The following MACROD2 variants were observed in gnomAD, a reference collection of about 807,000 sequenced individuals.
The protein encoded by MACROD2 is ADP-ribose glycohydrolase MACROD2.
In MACROD2, 36 loss-of-function variants were observed where a neutral mutation model predicts 70.4. The observed-to-expected ratio is 0.51, with a 90% CI of 0.39 to 0.68. MACROD2 has a LOEUF of 0.68. MACROD2 is among the 30% of genes least tolerant of loss of function. The pLI, the probability that MACROD2 is intolerant of heterozygous loss-of-function variation, is 0.00. For missense variants in MACROD2, 496 were observed against 538.4 expected, an observed-to-expected ratio of 0.92 and a Z score of 0.78; for synonymous variants, 172 against 178.8, an observed-to-expected ratio of 0.96 and a Z score of 0.30.
At chr20:15,079,732 C>T (rs1455998253) in intron 5 of MACROD2, among the ~76,000 whole-genome samples, 2 of 152,084 alleles carry the variant, frequency 1.3e-5, no homozygotes, top group Non-Finnish European at 2.9e-5. Flanking sequence ...CTGCTCTCCA[C>T]CTATTTCCAG....
At chr20:15,051,987 G>A (rs180952184) in intron 5 of MACROD2, among the ~76,000 whole-genome samples, 1 of 152,094 alleles carries the variant, frequency 6.6e-6, no homozygotes, top group African/African-American at 2.4e-5. Context: ...TTTTGACCTT[G>A]TGATCCGCCC....
chr20:14,690,369 A>G (rs934290510), intron 5 of MACROD2, among the ~76,000 whole-genome samples: 7 of 152,248 alleles, frequency 4.6e-5, no homozygotes, highest in African/African-American at 1.7e-4. Flanking sequence ...ATAGCATAAT[A>G]TGTTTGAATG....
chr20:16,032,988 T>G (rs934597438), intron 15 of MACROD2, among the ~76,000 whole-genome samples: 1 of 152,110 alleles, frequency 6.6e-6, no homozygotes, highest in African/African-American at 2.4e-5. Context: ...TTTGCGTGAC[T>G]GTGACTAAAG....
intron 4 of MACROD2, among the ~76,000 whole-genome samples, chr20:14,593,350 GTT>G: frequency 6.6e-6 from 1 of 152,120 alleles, no homozygotes; most frequent in East Asian, 1.9e-4. Flanking sequence ...TTTAATTGCT[GTT>G]TATATACAGT....
At chr20:14,787,304 GA>G (rs138336258) in intron 5 of MACROD2, among the ~76,000 whole-genome samples, 11,605 of 150,604 alleles carry the variant, frequency 0.077, 560 homozygotes, top group Middle Eastern at 0.23. Flanking sequence ...TGTAACGTGT[GA>G]AAAAAAAAGT....
At chr20:15,743,680 C>A (rs1337416890) in intron 8 of MACROD2, among the ~76,000 whole-genome samples, 1 of 152,118 alleles carries the variant, frequency 6.6e-6, no homozygotes, top group Non-Finnish European at 1.5e-5. Context: ...GCCTGGAGTG[C>A]CCCTCGCTGC....
chr20:14,104,746 A>G (rs1192648632), intron 3 of MACROD2, among the ~76,000 whole-genome samples: 1 of 152,218 alleles, frequency 6.6e-6, no homozygotes, highest in Non-Finnish European at 1.5e-5. Context: ...AAGCCCTCAC[A>G]TGCTGCTTTT....
intron 6 of MACROD2, among the ~76,000 whole-genome samples, chr20:15,369,765 G>T (rs1309035526): frequency 1.3e-5 from 2 of 152,098 alleles, no homozygotes; most frequent in Non-Finnish European, 2.9e-5. Flanking sequence ...ATTAGAATTA[G>T]GTTCCGATAA....
intron 8 of MACROD2, among the ~76,000 whole-genome samples, chr20:15,858,338 G>A (rs73099269): frequency 5.9e-5 from 9 of 152,188 alleles, no homozygotes; most frequent in Non-Finnish European, 1.2e-4. Flanking sequence ...ATTCTTATAG[G>A]TTCTCATGAA....
At chr20:14,410,590 A>G (rs1468817190) in intron 3 of MACROD2, among the ~76,000 whole-genome samples, 1 of 151,990 alleles carries the variant, frequency 6.6e-6, no homozygotes, top group Non-Finnish European at 1.5e-5. Flanking sequence ...GTGGCTGTGT[A>G]CTCAGAATTT....
intron 3 of MACROD2, among the ~76,000 whole-genome samples, chr20:14,197,703 G>A (rs1440481702): frequency 6.6e-6 from 1 of 151,824 alleles, no homozygotes; most frequent in Admixed American, 6.6e-5. Context: ...GTAAGTGGAG[G>A]TTGCAGTAAG....
intron 8 of MACROD2, among the ~76,000 whole-genome samples, chr20:15,573,719 C>G (rs1033756497): frequency 5.9e-5 from 9 of 152,110 alleles, no homozygotes; most frequent in Admixed American, 5.2e-4. Context: ...GAGCCTCCCC[C>G]TTCTGAATCT....
At chr20:14,448,858 GAATT>G (rs1290370151) in intron 3 of MACROD2, among the ~76,000 whole-genome samples, 6 of 151,992 alleles carry the variant, frequency 3.9e-5, no homozygotes, top group African/African-American at 7.3e-5. Context: ...TTTTAATTCA[GAATT>G]AATATTTGAA....
At chr20:15,569,907 A>G (rs2048355132) in intron 8 of MACROD2, among the ~76,000 whole-genome samples, 1 of 152,166 alleles carries the variant, frequency 6.6e-6, no homozygotes, top group Non-Finnish European at 1.5e-5. Context: ...ACTTAGGTTG[A>G]TTCCATATCT....
intron 3 of MACROD2, among the ~76,000 whole-genome samples, chr20:14,106,509 C>T (rs906460230): frequency 1.3e-5 from 2 of 152,066 alleles, no homozygotes; most frequent in Admixed American, 1.3e-4. Flanking sequence ...TCTCATTGCC[C>T]TGAAGGGAGG....
intron 4 of MACROD2, among the ~76,000 whole-genome samples, chr20:14,494,655 T>C (rs1013192849): frequency 6.6e-6 from 1 of 152,152 alleles, no homozygotes; most frequent in Non-Finnish European, 1.5e-5. Context: ...CTAAAGTGTT[T>C]ATTGGGAGAA....
intron 3 of MACROD2, among the ~76,000 whole-genome samples, chr20:14,138,871 CAT>C (rs1232945515): frequency 2.0e-5 from 3 of 151,574 alleles, no homozygotes; most frequent in African/African-American, 4.8e-5. Flanking sequence ...TACAATGTAA[CAT>C]ATATCTAAAC....
At chr20:14,590,649 T>G (rs1397082425) in intron 4 of MACROD2, among the ~76,000 whole-genome samples, 2 of 152,204 alleles carry the variant, frequency 1.3e-5, no homozygotes, top group East Asian at 3.8e-4. Context: ...TTTTAATAAT[T>G]ATCTTATATT....
At chr20:14,131,948 G>A (rs2148699767) in intron 3 of MACROD2, among the ~76,000 whole-genome samples, 1 of 151,942 alleles carries the variant, frequency 6.6e-6, no homozygotes, top group Non-Finnish European at 1.5e-5. Flanking sequence ...TGGCCAACAC[G>A]GTGAAACCCC....
Sources: allele counts gnomAD v4.1 joint callset (sites outside exome capture counted in the v4.1 genomes callset), GRCh38; gene constraint gnomAD v4.1.1; transcripts MANE v1.5; gene names NCBI Gene and HGNC (gene_info 2026-07-23, HGNC 2026-07-21).